The following TBC1D23 variants were observed in gnomAD, a reference collection of about 807,000 sequenced individuals.
TBC1D23 encodes the protein HCV non-structural protein 4A-transactivated protein 1.
In TBC1D23, 55 loss-of-function variants were observed where a neutral mutation model predicts 91.4. The observed-to-expected ratio is 0.60, with a 90% CI of 0.48 to 0.75. TBC1D23 has a LOEUF of 0.75. TBC1D23 is among the 30% of genes least tolerant of loss of function. The pLI, the probability that TBC1D23 is intolerant of heterozygous loss-of-function variation, is 0.00. For missense variants in TBC1D23, 725 were observed against 836.1 expected, an observed-to-expected ratio of 0.87 and a Z score of 1.64; for synonymous variants, 289 against 281.0, an observed-to-expected ratio of 1.03 and a Z score of -0.28.
intron 13 of TBC1D23, among the ~76,000 whole-genome samples, chr3:100,309,156 A>G (rs938840116): frequency 3.3e-5 from 5 of 152,058 alleles, no homozygotes; most frequent in Middle Eastern, 3.2e-3. Flanking sequence ...CCTGGGCAAC[A>G]GAGCAGGACT....
intron 1 of TBC1D23, among the ~76,000 whole-genome samples, chr3:100,278,541 C>T (rs2067668614): frequency 6.6e-6 from 1 of 152,234 alleles, no homozygotes; most frequent in Non-Finnish European, 1.5e-5. Flanking sequence ...CCTGCCACCA[C>T]AGCCCGCTAA....
intron 10 of TBC1D23, among the ~76,000 whole-genome samples, chr3:100,301,620 A>T (rs1010128044): frequency 2.0e-5 from 3 of 152,190 alleles, no homozygotes; most frequent in African/African-American, 7.2e-5. Flanking sequence ...TGTCTCCGTT[A>T]CCTGGAATAG....
intron 1 of TBC1D23, among the ~76,000 whole-genome samples, chr3:100,278,386 A>ATTT (rs199688288): frequency 1.2e-4 from 17 of 141,478 alleles, no homozygotes; most frequent in African/African-American, 3.4e-4. Flanking sequence ...GAATTGATTG[A>ATTT]TTTTTTTTTT....
intron 15 of TBC1D23, among the ~76,000 whole-genome samples, chr3:100,315,154 CTTTTTTTTTTTTTTTT>C (rs397705981): frequency 2.7e-5 from 2 of 73,668 alleles, no homozygotes; most frequent in East Asian, 4.8e-4. Flanking sequence ...GAGGCAGATT[CTTTTTTTTTTTTTTTT>C]TTTTTTTTTG....
chr3:100,273,680 C>G (rs2067621694), intron 1 of TBC1D23, among the ~76,000 whole-genome samples: 1 of 152,138 alleles, frequency 6.6e-6, no homozygotes, highest in Admixed American at 6.5e-5. Flanking sequence ...ACACATAGAC[C>G]AGTGGAACAG....
chr3:100,293,721 G>A (rs1276395026), intron 5 of TBC1D23, among the ~76,000 whole-genome samples: 1 of 152,168 alleles, frequency 6.6e-6, no homozygotes, highest in Non-Finnish European at 1.5e-5. Context: ...TACATGGGCT[G>A]TGGAATCTCA....
chr3:100,287,770 A>G (rs1445660680), intron 4 of TBC1D23, among the ~76,000 whole-genome samples: 1 of 152,052 alleles, frequency 6.6e-6, no homozygotes, highest in Admixed American at 6.6e-5. Context: ...TTCCCTTTAA[A>G]TTACATTGTA....
chr3:100,297,614 A>G (rs1705322575), intron 8 of TBC1D23, among the ~76,000 whole-genome samples: 1 of 152,136 alleles, frequency 6.6e-6, no homozygotes, highest in Non-Finnish European at 1.5e-5. Flanking sequence ...TTTTATTAAG[A>G]TATGAAAAAT....
chr3:100,321,831 A>T (rs1576190934), intron 18 of TBC1D23, among the ~76,000 whole-genome samples: 1 of 36,824 alleles, frequency 2.7e-5, no homozygotes, highest in Non-Finnish European at 8.0e-5. Context: ...CCTGATTTGT[A>T]AAAAAAAAAA....
rs376701284 is a variant in TBC1D23, at chr3:100,281,729, A to G, written c.166-13A>G. 81 of 1,575,296 alleles carry G rather than the reference A, an allele frequency of 5.1e-5. No individual in the cohort carries two copies. The highest frequency in any genetic ancestry group is 7.0e-5 in the Non-Finnish European group (80 of 1,146,938). ...ACATATGAAGCTAGTCACTTTTTAA[A>G]TCTTTCTTCCAGATTGCTCTGAATG... On this transcript the variant is annotated splice_polypyrimidine_tract_variant and intron_variant, in intron 2 of 18. Coordinates refer to ENST00000394144, the MANE Select transcript of TBC1D23 (RefSeq NM_001199198.3).
At chr3:100,266,014 T>C (rs2067554694) in intron 1 of TBC1D23, among the ~76,000 whole-genome samples, 1 of 152,098 alleles carries the variant, frequency 6.6e-6, no homozygotes, top group East Asian at 1.9e-4. Flanking sequence ...TAAAGAAATA[T>C]ATTAAATGTA....
intron 1 of TBC1D23, among the ~76,000 whole-genome samples, chr3:100,264,977 C>G (rs536086830): frequency 6.6e-6 from 1 of 152,242 alleles, no homozygotes; most frequent in South Asian, 2.1e-4. Context: ...GTTGCCAATT[C>G]TGGTGGTTTA....
intron 1 of TBC1D23, among the ~76,000 whole-genome samples, chr3:100,274,403 A>AT (rs1296552291): frequency 1.3e-5 from 2 of 152,186 alleles, no homozygotes; most frequent in Non-Finnish European, 2.9e-5. Flanking sequence ...AATAGAGTTG[A>AT]TTTTTTTAAA....
chr3:100,280,419 A>G (rs1033231446), intron 2 of TBC1D23, among the ~76,000 whole-genome samples: 2 of 152,170 alleles, frequency 1.3e-5, no homozygotes, highest in African/African-American at 4.8e-5. Flanking sequence ...CAGCTATTCT[A>G]CAGTTCATGT....
chr3:100,323,135 G>A (rs1318243308), intron 18 of TBC1D23, among the ~76,000 whole-genome samples: 2 of 152,116 alleles, frequency 1.3e-5, no homozygotes, highest in African/African-American at 4.8e-5. Flanking sequence ...ATAGGAATCT[G>A]TTTTAGTGAA....
At chr3:100,301,892 A>G in intron 10 of TBC1D23, 175 bp from the exon 11 acceptor site, 2 of 557,250 alleles carry the variant, frequency 3.6e-6, no homozygotes. Flanking sequence ...TATTATAGAT[A>G]CATTTATAAA....
At chr3:100,322,621 T>C in intron 18 of TBC1D23, among the ~76,000 whole-genome samples, 1 of 152,228 alleles carries the variant, frequency 6.6e-6, no homozygotes. Context: ...GGTATACACA[T>C]TTTAATATCT....
At chr3:100,276,630 A>C (rs1351726834) in intron 1 of TBC1D23, among the ~76,000 whole-genome samples, 1 of 152,186 alleles carries the variant, frequency 6.6e-6, no homozygotes, top group Non-Finnish European at 1.5e-5. Context: ...AAATCCAGTG[A>C]CATTGTTTGC....
Position 100,323,790 on chromosome 3 carries a change from C to A in TBC1D23, c.*122C>A. The A allele has an allele frequency of 2.8e-6, 1 of 352,464 alleles. No homozygotes were observed. Among genetic ancestry groups the A allele is most frequent in the Non-Finnish European group, 5.0e-6 (1 of 198,558 alleles). 21.8% of individuals were successfully genotyped at this position (352,464 alleles called of 1,614,324 possible). A position where few individuals can be genotyped will look rare whatever the true frequency, so the allele number is the denominator to read the frequency against. ...TCATGGGGCTGCTTAAATAGCAGGT[C>A]TAAGAAAGTGTAAATTATTATAATC... On this transcript the variant is annotated 3_prime_UTR_variant, in exon 19 of 19. Coordinates refer to ENST00000394144, the MANE Select transcript of TBC1D23 (RefSeq NM_001199198.3).
Sources: allele counts gnomAD v4.1 joint callset (sites outside exome capture counted in the v4.1 genomes callset), GRCh38; gene constraint gnomAD v4.1.1; transcripts MANE v1.5; gene names NCBI Gene and HGNC (gene_info 2026-07-23, HGNC 2026-07-21).